CCDC12: variants seen among roughly 807,000 people sequenced by gnomAD.
The protein encoded by CCDC12 is coiled-coil domain-containing protein 12.
Under a neutral mutation model 25.7 loss-of-function variants are expected in CCDC12, and 28 were observed. The observed-to-expected ratio is 1.09, with a 90% CI of 0.81 to 1.50. CCDC12 has a LOEUF of 1.50. Among genes scored for constraint, CCDC12 ranks in the 40% most tolerant of loss-of-function variants. The probability of loss-of-function intolerance (pLI) is 0.00; values close to 1 mark genes in which losing one functional copy is unlikely to be tolerated. For synonymous variants in CCDC12, 75 were observed against 87.7 expected (o/e 0.86, Z 0.81); for missense variants, 198 against 210.0 (o/e 0.94, Z 0.35).
At chr3:46,946,682 C>T (rs2033919174) in intron 1 of CCDC12, among the ~76,000 whole-genome samples, 1 of 152,182 alleles carries the variant, frequency 6.6e-6, no homozygotes, top group Admixed American at 6.5e-5. Context: ...ATGGGAGGAA[C>T]GGGGAAGACC....
intron 2 of CCDC12, 89 bp downstream of exon 2, chr3:46,940,909 C>G: frequency 8.0e-7 from 1 of 1,250,860 alleles, no homozygotes; most frequent in South Asian, 1.2e-5. Context: ...ACAGGGCAGA[C>G]ACTGAACAGA....
chr3:46,934,727 A>G (rs2107123148), intron 2 of CCDC12, among the ~76,000 whole-genome samples: 1 of 152,268 alleles, frequency 6.6e-6, no homozygotes, highest in South Asian at 2.1e-4. Context: ...GCCTATTCCC[A>G]AGAAACAGGG....
intron 1 of CCDC12, among the ~76,000 whole-genome samples, chr3:46,944,536 C>G (rs2033831673): frequency 1.3e-5 from 2 of 151,990 alleles, no homozygotes; most frequent in South Asian, 4.1e-4. Flanking sequence ...AAATCAGACT[C>G]AATGCCTCAC....
At chr3:46,977,187 T>TCCCTGGGCCGGGCG, upstream of CCDC12, 1 of 162,600 alleles carries the variant, frequency 6.2e-6, no homozygotes, top group South Asian at 1.4e-4. Flanking sequence ...CAAGAAACCT[T>TCCCTGGGCCGGGCG]CCCTGGGCCG....
intron 1 of CCDC12, among the ~76,000 whole-genome samples, chr3:46,954,440 T>C (rs2034225195): frequency 6.6e-6 from 1 of 152,198 alleles, no homozygotes. Context: ...ACACACACCC[T>C]AGTCCCATGG....
intron 1 of CCDC12, among the ~76,000 whole-genome samples, chr3:46,975,190 A>ATT (rs755245357): frequency 1.9e-4 from 28 of 146,026 alleles, no homozygotes; most frequent in African/African-American, 6.5e-4. Context: ...TTTTTTCCCA[A>ATT]TTTTTTTTTT....
chr3:46,966,803 T>C (rs6806521), intron 1 of CCDC12, among the ~76,000 whole-genome samples: 143,938 of 152,246 alleles, frequency 0.95, 68,608 homozygotes, highest in East Asian at 1. Flanking sequence ...CTGGCCTGGA[T>C]TCCACTGGCA....
intron 2 of CCDC12, among the ~76,000 whole-genome samples, chr3:46,936,224 C>T (rs1441207603): frequency 4.6e-5 from 7 of 152,330 alleles, no homozygotes; most frequent in East Asian, 1.9e-4. Context: ...AGCAAATAAG[C>T]GAGGCTCTAC....
intron 2 of CCDC12, among the ~76,000 whole-genome samples, chr3:46,936,089 C>T (rs1415599528): frequency 6.6e-6 from 1 of 152,224 alleles, no homozygotes; most frequent in African/African-American, 2.4e-5. Context: ...CCTGGGGTGG[C>T]TCCCTCCAAT....
chr3:46,939,167 TA>T (rs1431321978), intron 2 of CCDC12, among the ~76,000 whole-genome samples: 1 of 152,220 alleles, frequency 6.6e-6, no homozygotes, highest in East Asian at 1.9e-4. Context: ...GTAACACACA[TA>T]TATCATTTTG....
intron 1 of CCDC12, among the ~76,000 whole-genome samples, chr3:46,958,668 A>G (rs2034373106): frequency 6.6e-6 from 1 of 152,136 alleles, no homozygotes; most frequent in African/African-American, 2.4e-5. Context: ...AACCCAAGAT[A>G]AGGGCAGGGC....
intron 1 of CCDC12, among the ~76,000 whole-genome samples, chr3:46,971,538 C>T (rs1376552829): frequency 6.6e-6 from 1 of 152,180 alleles, no homozygotes; most frequent in Non-Finnish European, 1.5e-5. Flanking sequence ...GAGAGTTTTG[C>T]GCAGAATAAT....
chr3:46,962,805 T>C (rs1316184841), intron 1 of CCDC12, among the ~76,000 whole-genome samples: 3 of 152,188 alleles, frequency 2.0e-5, no homozygotes, highest in Non-Finnish European at 2.9e-5. Flanking sequence ...TTTGCAAAAG[T>C]GTTTGACAGT....
chr3:46,940,940 G>A, intron 2 of CCDC12, 58 bp downstream of exon 2: 1 of 1,540,428 alleles, frequency 6.5e-7, no homozygotes, highest in Non-Finnish European at 9.0e-7. Context: ...CCCAGAGACT[G>A]GGAGACCGAT....
chr3:46,923,149 C>T, intron 5 of CCDC12, 180 bp downstream of exon 5: 3 of 596,558 alleles, frequency 5.0e-6, no homozygotes, highest in Non-Finnish European at 7.5e-6. Context: ...TCACTCCCCT[C>T]TCATCCCACC....
chr3:46,976,249 G>A (rs909318605), intron 1 of CCDC12: 10 of 989,982 alleles, frequency 1.0e-5, no homozygotes, highest in Middle Eastern at 9.4e-4. Context: ...GTCTGACTCA[G>A]AATCGAAGGC....
chr3:46,976,558 G>C lies in CCDC12; in HGVS notation c.96+79C>G. On this transcript the variant is annotated intron_variant, in intron 1 of 6. Coordinates refer to ENST00000683445, the MANE Select transcript of CCDC12 (RefSeq NM_001277074.2). ...CCTCGGCAGCTGTCTTTCCTTATTA[G>C]CCCTTTGCTCTCCTCAAGCGCGACC... 5.9e-6 allele frequency: 9 copies of C among 1,530,766 alleles called. No individual in the cohort carries two copies. In the South Asian group the frequency reaches 1.1e-4, roughly 18 times the overall value. The allele number at this position is 1,530,766 out of a possible 1,614,324, so 94.8% of individuals were successfully genotyped here.
chr3:46,927,360 G>C (rs1031864100), intron 2 of CCDC12, among the ~76,000 whole-genome samples: 1 of 152,144 alleles, frequency 6.6e-6, no homozygotes, highest in Admixed American at 6.5e-5. Context: ...CTGGGTGTGG[G>C]AAGAAAACTG....
At chr3:46,951,968 G>A (rs1301532898) in intron 1 of CCDC12, among the ~76,000 whole-genome samples, 1 of 150,682 alleles carries the variant, frequency 6.6e-6, no homozygotes, top group East Asian at 2.0e-4. Flanking sequence ...CACAAAACTC[G>A]GTGGGTGGGT....
Sources: gnomAD v4.1 joint callset for allele counts (sites outside exome capture counted in the v4.1 genomes callset) on GRCh38, gnomAD v4.1.1 for gene constraint, MANE v1.5 for transcripts, NCBI Gene and HGNC (gene_info 2026-07-23, HGNC 2026-07-21) for gene names.